Variants in CCDC148 observed in about 807,000 individuals in gnomAD.
CCDC148 encodes the protein coiled-coil domain containing 148, also known as coiled-coil domain-containing protein 148.
CCDC148 carries 89 observed loss-of-function variants against 85.7 expected under a neutral mutation model. That is an observed-to-expected ratio of 1.04 (90% CI 0.87 to 1.24). The LOEUF (loss-of-function observed/expected upper bound fraction) is 1.24. CCDC148 is among the 50% of genes most tolerant of loss of function. The pLI, the probability that CCDC148 is intolerant of heterozygous loss-of-function variation, is 0.00. For missense variants in CCDC148, 692 were observed against 671.7 expected, an observed-to-expected ratio of 1.03 and a Z score of -0.33; for synonymous variants, 230 against 213.9, an observed-to-expected ratio of 1.08 and a Z score of -0.66.
At chr2:158,328,744 T>C (rs1045466692) in intron 7 of CCDC148, among the ~76,000 whole-genome samples, 6 of 152,248 alleles carry the variant, frequency 3.9e-5, no homozygotes, top group Admixed American at 2.6e-4. Flanking sequence ...TGGTTTTGAT[T>C]TGCATTTCTC....
At chr2:158,350,378 T>C (rs1683201428) in intron 2 of CCDC148, among the ~76,000 whole-genome samples, 1 of 152,170 alleles carries the variant, frequency 6.6e-6, no homozygotes, top group Non-Finnish European at 1.5e-5. Flanking sequence ...GTATTAGAAA[T>C]ATAAGTGTGT....
At chr2:158,215,180 A>G (rs375531310) in intron 11 of CCDC148, among the ~76,000 whole-genome samples, 2 of 152,350 alleles carry the variant, frequency 1.3e-5, no homozygotes, top group Admixed American at 1.3e-4. Flanking sequence ...GTAAAGATGA[A>G]TCATTAAATA....
intron 1 of CCDC148, among the ~76,000 whole-genome samples, chr2:158,414,610 T>C (rs1686413046): frequency 6.6e-6 from 1 of 152,020 alleles, no homozygotes; most frequent in South Asian, 2.1e-4. Context: ...TGCTAGGCAC[T>C]ATATGAGGAG....
At chr2:158,344,545 T>C (rs1682898343) in intron 3 of CCDC148, among the ~76,000 whole-genome samples, 1 of 152,114 alleles carries the variant, frequency 6.6e-6, no homozygotes, top group East Asian at 1.9e-4. Flanking sequence ...TTAAAACAAG[T>C]ATACAAGCTA....
chr2:158,290,458 CT>C (rs963498319), intron 9 of CCDC148, among the ~76,000 whole-genome samples: 3 of 152,192 alleles, frequency 2.0e-5, no homozygotes, highest in African/African-American at 7.2e-5. Context: ...GTTCTAATTG[CT>C]GTTCCTTGAA....
intron 11 of CCDC148, among the ~76,000 whole-genome samples, chr2:158,206,028 TATG>T (rs1221122031): frequency 1.3e-5 from 2 of 152,186 alleles, no homozygotes. Flanking sequence ...TGGTGATCAT[TATG>T]ATAACTATCA....
chr2:158,307,950 T>C (rs1371758317), intron 9 of CCDC148, among the ~76,000 whole-genome samples: 4 of 152,176 alleles, frequency 2.6e-5, no homozygotes, highest in African/African-American at 9.7e-5. Context: ...CTCAGTGGTT[T>C]TTCATGGGTA....
At chr2:158,267,319 G>T (rs913420698) in intron 9 of CCDC148, among the ~76,000 whole-genome samples, 1 of 152,092 alleles carries the variant, frequency 6.6e-6, no homozygotes, top group African/African-American at 2.4e-5. Context: ...TTATTTGCTT[G>T]CCTAGACTCA....
chr2:158,340,275 A>C lies in CCDC148; in HGVS notation c.453T>G (p.His151Gln), dbSNP rs538134316. Residue 151 changes from histidine to glutamine, a missense_variant, in exon 5 of 14, where the codon CAT becomes CAG. His to Gln is a conservative substitution (Grantham distance 24). Coordinates refer to ENST00000283233, the MANE Select transcript of CCDC148 (RefSeq NM_138803.4). ...QHHTLQHSHPHIEFNSMKVLE... is the reference protein window; with the variant it reads ...QHHTLQHSHPQIEFNSMKVLE... ...ATACTTTCATGGAGTTAAACTCAAT[A>C]TGTGGGTGTGAATGCTGCAAAGTGT... is the stretch of plus-strand genomic sequence containing the variant. The C allele has an allele frequency of 1.2e-6, 2 of 1,613,958 alleles. No homozygotes were observed. The highest frequency in any genetic ancestry group is 2.2e-5 in the East Asian group (1 of 44,828).
rs1020007511 is a variant in CCDC148 at position 158,171,276 on chromosome 2, G to T, written c.*837C>A. ...CTGCAATAGACAGAAAAAGGAGTGG[G>T]GTAATCTTAACTGTAACAATGGCAA... is the stretch of plus-strand genomic sequence containing the variant. On this transcript the variant is annotated 3_prime_UTR_variant, in exon 14 of 14. Coordinates refer to ENST00000283233, the MANE Select transcript of CCDC148 (RefSeq NM_138803.4). 2.6e-5 allele frequency: 4 copies of T among 151,438 alleles called. No homozygotes were observed. The highest frequency in any genetic ancestry group is 9.7e-5 in the African/African-American group (4 of 41,230). The allele number at this position is 151,438 out of a possible 1,614,324, so 9.4% of individuals were successfully genotyped here. A position where few individuals can be genotyped will look rare whatever the true frequency, so the allele number is the denominator to read the frequency against.
Position 158,172,152 on chromosome 2 carries a change from A to G in CCDC148, c.1737T>C (p.Pro579=). 6.2e-7 allele frequency: 1 copy of G among 1,609,188 alleles called. No individual in the cohort carries two copies. Among genetic ancestry groups the G allele is most frequent in the Middle Eastern group, 1.7e-4 (1 of 6,012 alleles). The change falls in exon 14 of 14, where the codon CCT becomes CCC. Residue 579 remains proline, a synonymous_variant. Coordinates refer to ENST00000283233, the MANE Select transcript of CCDC148 (RefSeq NM_138803.4). ...CAGTAGACTCCATGTCCTTTCTTGG[A>G]GGTTTTTGAGGACTAATTTTTGGTA... is the stretch of plus-strand genomic sequence containing the variant. ...EILPKISPQK[P]PRKDMESTVF...
At chr2:158,347,518 G>A (rs1339714295) in intron 2 of CCDC148, among the ~76,000 whole-genome samples, 2 of 151,976 alleles carry the variant, frequency 1.3e-5, no homozygotes, top group African/African-American at 2.4e-5. Context: ...GAGATGTCTA[G>A]GTGATTCCAA....
intron 11 of CCDC148, among the ~76,000 whole-genome samples, chr2:158,195,415 T>C (rs1685622766): frequency 6.6e-6 from 1 of 152,164 alleles, no homozygotes; most frequent in Non-Finnish European, 1.5e-5. Flanking sequence ...ACTTGGGAAT[T>C]CATCATCGTT....
At chr2:158,239,353 A>G (rs1290017463) in intron 10 of CCDC148, among the ~76,000 whole-genome samples, 1 of 149,676 alleles carries the variant, frequency 6.7e-6, no homozygotes, top group African/African-American at 2.5e-5. Flanking sequence ...ATGTCCTGAC[A>G]GAGGGTAGAA....
At chr2:158,238,176 T>C (rs534041634) in intron 10 of CCDC148, among the ~76,000 whole-genome samples, 1 of 151,934 alleles carries the variant, frequency 6.6e-6, no homozygotes, top group African/African-American at 2.4e-5. Context: ...TAGATGAAGG[T>C]CATAATGGTG....
chr2:158,363,380 A>T (rs1684054325), intron 1 of CCDC148, among the ~76,000 whole-genome samples: 1 of 152,208 alleles, frequency 6.6e-6, no homozygotes, highest in Admixed American at 6.5e-5. Context: ...ATTTCAGGCC[A>T]ATATCCCTGA....
chr2:158,410,091 C>T (rs190832752), intron 1 of CCDC148, among the ~76,000 whole-genome samples: 47 of 152,268 alleles, frequency 3.1e-4, no homozygotes, highest in African/African-American at 1.1e-3. Flanking sequence ...TTATCAGCAG[C>T]ATGAAAACAG....
At chr2:158,370,076 T>C (rs1356056764) in intron 1 of CCDC148, among the ~76,000 whole-genome samples, 1 of 152,108 alleles carries the variant, frequency 6.6e-6, no homozygotes, top group African/African-American at 2.4e-5. Context: ...CAGTATTTTA[T>C]TGAGGATTTT....
chr2:158,414,883 G>C (rs777763396), intron 1 of CCDC148, among the ~76,000 whole-genome samples: 13 of 152,028 alleles, frequency 8.6e-5, no homozygotes, highest in Non-Finnish European at 1.9e-4. Context: ...CAAACCCTGT[G>C]GTATAAACCT....
Sources: allele counts gnomAD v4.1 joint callset (sites outside exome capture counted in the v4.1 genomes callset), GRCh38; gene constraint gnomAD v4.1.1; transcripts MANE v1.5; gene names NCBI Gene and HGNC (gene_info 2026-07-23, HGNC 2026-07-21).